The following TLN2 variants were observed in gnomAD, a reference collection of about 807,000 sequenced individuals.
TLN2 encodes talin-2.
A neutral mutation model predicts 294.7 loss-of-function variants in TLN2; 118 were observed. The ratio of observed to expected loss-of-function variants is 0.40; its 90% CI spans 0.34 to 0.47. TLN2 has a LOEUF of 0.47. Ranked by LOEUF, TLN2 falls within the 20% of genes least tolerant of loss-of-function variation. The pLI is 0.84. For synonymous variants in TLN2, 1,431 were observed against 1,304.5 expected (o/e 1.10, Z -2.09); for missense variants, 3,083 against 3,282.2 (o/e 0.94, Z 1.48).
intron 16 of TLN2, among the ~76,000 whole-genome samples, chr15:62,700,124 G>A (rs2058624375): frequency 6.6e-6 from 1 of 152,130 alleles, no homozygotes; most frequent in Admixed American, 6.5e-5. Context: ...ATTTGCTTTG[G>A]GGAACTCCAG....
intron 1 of TLN2, among the ~76,000 whole-genome samples, chr15:62,475,548 G>A (rs976187268): frequency 6.6e-6 from 1 of 152,200 alleles, no homozygotes; most frequent in Non-Finnish European, 1.5e-5. Flanking sequence ...TTCCTGGGAT[G>A]GTTCTGGTCT....
intron 36 of TLN2, chr15:62,755,319 C>G: frequency 3.6e-6 from 2 of 556,042 alleles, no homozygotes; most frequent in African/African-American, 1.9e-5. Flanking sequence ...ATGTCAGCAC[C>G]TCCTTTTTTC....
chr15:62,456,039 C>T (rs1206332168), intron 1 of TLN2, among the ~76,000 whole-genome samples: 1 of 151,636 alleles, frequency 6.6e-6, no homozygotes, highest in African/African-American at 2.4e-5. Flanking sequence ...CATCTATTAA[C>T]CTGCTGGGTG....
At chr15:62,561,445 G>A (rs1040182054) in intron 1 of TLN2, 1 of 152,242 alleles carries the variant, frequency 6.6e-6, no homozygotes. Flanking sequence ...TAATTAAGAT[G>A]CCTTCTTTAG....
intron 1 of TLN2, among the ~76,000 whole-genome samples, chr15:62,402,891 C>G (rs950100245): frequency 2.6e-5 from 4 of 152,192 alleles, no homozygotes; most frequent in Non-Finnish European, 5.9e-5. Context: ...TCATCAGTTT[C>G]TCACTCTGAT....
In TLN2 at chr15:62,840,576, T is replaced by G; in HGVS notation, c.7595T>G (p.Phe2532Cys). The change falls in exon 59 of 59, where the codon TTT (phenylalanine) becomes TGT (cysteine). Residue 2532 changes from phenylalanine to cysteine, a missense_variant. Coordinates refer to ENST00000636159, the MANE Select transcript of TLN2 (RefSeq NM_015059.3). ...LAQIRQQQYKFLPTELREDEG is the reference protein window; with the variant it reads ...LAQIRQQQYKCLPTELREDEG Reference sequence around the variant, plus strand: ...CAAATCCGCCAGCAGCAGTATAAGTTTTTACCCACCGAGCTGAGGGAAGAT... The same window carrying G: ...CAAATCCGCCAGCAGCAGTATAAGTGTTTACCCACCGAGCTGAGGGAAGAT... The G allele has an allele frequency of 6.2e-7, 1 of 1,613,940 alleles. No homozygotes were observed. The highest frequency in any genetic ancestry group is 8.5e-7 in the Non-Finnish European group (1 of 1,179,978).
In TLN2 at chr15:62,545,384, A is replaced by G. The variant is rs1445577491; in HGVS notation, c.-237-44303A>G. On this transcript the variant is annotated intron_variant, in intron 1 of 58. Transcript: ENST00000636159. ...AGTCCACATTTGTCTGTTGAAGAGG[A>G]AAGAGGGAAAGAGAAAAAGGATGGA... is the stretch of plus-strand genomic sequence containing the variant. Among the ~76,000 whole-genome samples, 5 of 152,322 alleles carry G rather than the reference A, an allele frequency of 3.3e-5. No individual in the cohort carries two copies. The East Asian group carries it at 9.6e-4, about 29-fold the overall frequency.
At chr15:62,533,001 C>A (rs1287441174) in intron 1 of TLN2, among the ~76,000 whole-genome samples, 1 of 152,028 alleles carries the variant, frequency 6.6e-6, no homozygotes, top group East Asian at 1.9e-4. Flanking sequence ...CACCTGTTAT[C>A]CCAGCACTTT....
chr15:62,458,472 G>A (rs892720003), intron 1 of TLN2, among the ~76,000 whole-genome samples: 2 of 152,044 alleles, frequency 1.3e-5, no homozygotes, highest in Non-Finnish European at 2.9e-5. Flanking sequence ...GTTGGTCATG[G>A]TTTTTCTTTG....
intron 1 of TLN2, among the ~76,000 whole-genome samples, chr15:62,532,495 T>C (rs1366237696): frequency 3.3e-5 from 5 of 152,158 alleles, no homozygotes; most frequent in Non-Finnish European, 7.4e-5. Flanking sequence ...TGAACTGCTC[T>C]CCAGAGCCCT....
intron 1 of TLN2, among the ~76,000 whole-genome samples, chr15:62,540,386 C>T (rs1488839096): frequency 2.8e-5 from 4 of 143,118 alleles, no homozygotes; most frequent in African/African-American, 5.2e-5. Flanking sequence ...CATGAGTAAG[C>T]GTCTTGGCCT....
chr15:62,406,889 C>G (rs1294874679), intron 1 of TLN2, among the ~76,000 whole-genome samples: 1 of 152,150 alleles, frequency 6.6e-6, no homozygotes, highest in Non-Finnish European at 1.5e-5. Flanking sequence ...CAACTTGATT[C>G]TCTCTGTAAA....
Position 62,771,093 on chromosome 15 carries a change from C to T in TLN2, c.5326C>T (p.Gln1776Ter). Reference protein sequence around the residue: ...QTKTLAESALQMLYAAKEGGG... With the variant: ...QTKTLAESAL ...CAAGACTCTCGCAGAGTCTGCCTTG[C>T]AGATGTTGTATGCAGCCAAAGAAGG... Residue 1776 changes from glutamine (Q) to a stop codon, truncating the protein, a stop_gained, in exon 42 of 59, where the codon CAG becomes TAG. Coordinates refer to ENST00000636159, the MANE Select transcript of TLN2 (RefSeq NM_015059.3). LOFTEE classifies it high-confidence loss of function. 6.2e-7 allele frequency: 1 copy of T among 1,613,236 alleles called. No homozygotes were observed. Among genetic ancestry groups the T allele is most frequent in the South Asian group, 1.1e-5 (1 of 90,910 alleles).
At chr15:62,712,135 A>T in intron 22 of TLN2, 58 bp downstream of exon 22, 1 of 1,578,292 alleles carries the variant, frequency 6.3e-7, no homozygotes, top group South Asian at 1.1e-5. Context: ...TAGGATTTGG[A>T]AGGTACTTTC....
chr15:62,796,572 G>A (rs996013306), intron 47 of TLN2, among the ~76,000 whole-genome samples: 1 of 152,158 alleles, frequency 6.6e-6, no homozygotes, highest in African/African-American at 2.4e-5. Flanking sequence ...CCAGAGAGCC[G>A]TTCCTCAAAC....
chr15:62,838,094 A>G (rs2069998477), intron 57 of TLN2: 1 of 152,238 alleles, frequency 6.6e-6, no homozygotes, highest in African/African-American at 2.4e-5. Context: ...AGGAAAAATG[A>G]AAAGCTCTTC....
intron 4 of TLN2, 113 bp from the exon 5 acceptor site, chr15:62,649,971 C>T: frequency 1.0e-6 from 1 of 986,830 alleles, no homozygotes; most frequent in East Asian, 2.4e-5. Context: ...ACATTGCTGT[C>T]TGGTGAAGGA....
chr15:62,500,615 G>A (rs2039255314), intron 1 of TLN2, among the ~76,000 whole-genome samples: 1 of 152,196 alleles, frequency 6.6e-6, no homozygotes, highest in African/African-American at 2.4e-5. Flanking sequence ...TGTAAATGGA[G>A]GCAAGGGAAG....
intron 51 of TLN2, among the ~76,000 whole-genome samples, chr15:62,806,551 G>A (rs985148189): frequency 2.0e-5 from 3 of 152,226 alleles, no homozygotes; most frequent in Non-Finnish European, 4.4e-5. Flanking sequence ...TTGGCGAGCT[G>A]CTTTTCACAG....
Sources: allele counts gnomAD v4.1 joint callset (sites outside exome capture counted in the v4.1 genomes callset), GRCh38; gene constraint gnomAD v4.1.1; transcripts MANE v1.5; gene names NCBI Gene and HGNC (gene_info 2026-07-23, HGNC 2026-07-21).